The following TRAPPC8 variants were observed in gnomAD, a reference collection of about 807,000 sequenced individuals.
TRAPPC8 encodes the protein trafficking protein particle complex subunit 8.
In TRAPPC8, 54 loss-of-function variants were observed where a neutral mutation model predicts 174.3. That is an observed-to-expected ratio of 0.31 (90% CI 0.25 to 0.39). TRAPPC8 has a LOEUF of 0.39. Among genes scored for constraint, TRAPPC8 ranks in the 10% least tolerant of loss-of-function variants. TRAPPC8 has a pLI of 1.00. For synonymous variants in TRAPPC8, 630 were observed against 579.9 expected, an observed-to-expected ratio of 1.09 and a Z score of -1.24; for missense variants, 1,531 against 1,699.1, an observed-to-expected ratio of 0.90 and a Z score of 1.74.
intron 12 of TRAPPC8, among the ~76,000 whole-genome samples, chr18:31,874,964 G>C (rs2035071576): frequency 6.6e-6 from 1 of 152,280 alleles, no homozygotes; most frequent in South Asian, 2.1e-4. Flanking sequence ...AGGGAGGCCA[G>C]ACTGCTTTGA....
chr18:31,838,254 C>CT (rs1030506003), intron 27 of TRAPPC8, among the ~76,000 whole-genome samples: 1 of 152,206 alleles, frequency 6.6e-6, no homozygotes, highest in South Asian at 2.1e-4. Flanking sequence ...TAAAATTTCA[C>CT]TTTTTTCAAA....
intron 12 of TRAPPC8, among the ~76,000 whole-genome samples, chr18:31,883,021 G>A (rs867585823): frequency 2.8e-5 from 4 of 145,008 alleles, no homozygotes; most frequent in African/African-American, 5.0e-5. Flanking sequence ...TCAGGAGTTC[G>A]AGACCAGCCT....
At chr18:31,872,536 C>T (rs1164985948) in intron 14 of TRAPPC8, among the ~76,000 whole-genome samples, 1 of 152,050 alleles carries the variant, frequency 6.6e-6, no homozygotes, top group Non-Finnish European at 1.5e-5. Flanking sequence ...TCTCCTGATT[C>T]AGCCTCCCGA....
chr18:31,882,477 G>T (rs1180561574), intron 12 of TRAPPC8, among the ~76,000 whole-genome samples: 1 of 151,668 alleles, frequency 6.6e-6, no homozygotes, highest in African/African-American at 2.4e-5. Context: ...AGGGAAGGAA[G>T]TGAGGGTTGA....
At chr18:31,862,008 A>G (rs920205470) in intron 19 of TRAPPC8, among the ~76,000 whole-genome samples, 21 of 151,624 alleles carry the variant, frequency 1.4e-4, no homozygotes, top group Admixed American at 1.2e-3. Context: ...TAAAAACAGT[A>G]TATTTTGGTG....
At chr18:31,905,298 T>C (rs1013735243) in intron 9 of TRAPPC8, among the ~76,000 whole-genome samples, 8 of 152,202 alleles carry the variant, frequency 5.3e-5, no homozygotes, top group Non-Finnish European at 7.3e-5. Flanking sequence ...TATAAACTTA[T>C]ATCCTTCAGT....
intron 19 of TRAPPC8, among the ~76,000 whole-genome samples, chr18:31,863,128 A>G (rs2034418224): frequency 6.6e-6 from 1 of 152,054 alleles, no homozygotes; most frequent in Non-Finnish European, 1.5e-5. Flanking sequence ...ACAAACAAAA[A>G]ACACTGATCA....
chr18:31,849,656 A>G lies in TRAPPC8; in HGVS notation c.3645T>C (p.Pro1215=), dbSNP rs777223994. The part of the protein sequence containing the change: ...SELKKPQAHL[P]VHTEKQSTED... ...CTGTTGACTGTTTTTCTGTATGCAC[A>G]GGCAAGTGAGCTTGTGGTTTTTTCA... Residue 1215 remains proline (P), a synonymous_variant, in exon 25 of 29, where the codon CCT becomes CCC. Transcript: ENST00000283351. 3 of 1,613,220 alleles carry G rather than the reference A, an allele frequency of 1.9e-6. No individual in the cohort carries two copies. The highest frequency in any genetic ancestry group is 1.7e-6 in the Non-Finnish European group (2 of 1,179,598).
At chr18:31,834,968 T>C (rs982862666) in intron 27 of TRAPPC8, among the ~76,000 whole-genome samples, 1 of 152,194 alleles carries the variant, frequency 6.6e-6, no homozygotes. Context: ...CAACAATAGA[T>C]GCTGTATTTC....
chr18:31,919,589 TA>T (rs1314380010), intron 2 of TRAPPC8, among the ~76,000 whole-genome samples: 13 of 52,920 alleles, frequency 2.5e-4, no homozygotes, highest in Admixed American at 6.1e-4. Context: ...AATAAATAAA[TA>T]AAATAATAAT....
chr18:31,935,799 G>C (rs1244583153), intron 1 of TRAPPC8, among the ~76,000 whole-genome samples: 1 of 150,872 alleles, frequency 6.6e-6, no homozygotes, highest in Non-Finnish European at 1.5e-5. Flanking sequence ...GCAATTGCAT[G>C]ATTTCAACTC....
At chr18:31,897,735 A>T (rs537441528) in intron 11 of TRAPPC8, 51 bp downstream of exon 11, 9,753 of 502,594 alleles carry the variant, frequency 0.019, 414 homozygotes, top group African/African-American at 0.18. Flanking sequence ...ACATCTTTTT[A>T]AAAAAAAAAG....
intron 9 of TRAPPC8, among the ~76,000 whole-genome samples, chr18:31,906,506 A>G (rs1568120186): frequency 6.6e-6 from 1 of 152,204 alleles, no homozygotes; most frequent in Non-Finnish European, 1.5e-5. Flanking sequence ...CTAGCTAAAA[A>G]AAAGTATCTA....
rs35234467 is a variant in TRAPPC8, at chr18:31,932,997, C to CAAAAA, written c.158-1479_158-1475dup. Among the ~76,000 whole-genome samples, 173 of 42,664 alleles carry CAAAAA rather than the reference C, an allele frequency of 4.1e-3. 10 individuals are homozygous for CAAAAA. The highest frequency in any genetic ancestry group is 0.023 in the African/African-American group (157 of 6,706). 28.0% of individuals were successfully genotyped at this position (42,664 alleles called of 152,430 possible). A position where few individuals can be genotyped will look rare whatever the true frequency, so the allele number is the denominator to read the frequency against. ...TGGGCGACAGAGTGAGACTCCGTCT[C>CAAAAA]AAAAAAAAAAAAAAAAAAAAAAAGC... On this transcript the variant is annotated intron_variant, in intron 1 of 28. Coordinates refer to ENST00000283351, the MANE Select transcript of TRAPPC8 (RefSeq NM_014939.5).
intron 12 of TRAPPC8, among the ~76,000 whole-genome samples, chr18:31,876,507 A>AAAAAAAAAAAAAAAAAAAAAAAAAC: frequency 1.4e-5 from 2 of 147,556 alleles, no homozygotes; most frequent in South Asian, 2.1e-4. Flanking sequence ...AAAAAAAAAA[A>AAAAAAAAAAAAAAAAAAAAAAAAAC]AAAAAGATCA....
intron 13 of TRAPPC8, 159 bp downstream of exon 13, chr18:31,874,321 C>A: frequency 1.5e-6 from 1 of 680,634 alleles, no homozygotes; most frequent in Non-Finnish European, 2.4e-6. Flanking sequence ...GGCAATGTAA[C>A]CAAGATCTAT....
intron 9 of TRAPPC8, among the ~76,000 whole-genome samples, chr18:31,905,199 G>T (rs933398376): frequency 6.6e-6 from 1 of 152,104 alleles, no homozygotes. Flanking sequence ...TAGTTAACAT[G>T]TGAATGGTAA....
In TRAPPC8 at chr18:31,855,715, T is replaced by C; in HGVS notation, c.3281A>G (p.Glu1094Gly). The change falls in exon 21 of 29, where the codon GAA becomes GGA. Residue 1094 changes from glutamate (E) to glycine (G), a missense_variant. Glu to Gly is a moderately conservative substitution (Grantham distance 98, BLOSUM62 -2). Coordinates refer to ENST00000283351, the MANE Select transcript of TRAPPC8 (RefSeq NM_014939.5). ...TVCRSNSLENEEGRGGNMLVF... is the reference protein window; with the variant it reads ...TVCRSNSLENGEGRGGNMLVF... ...TAGCATATTGCCTCCTCTGCCTTCT[T>C]CATTTTCAAGAGAATTACTTCTGCA... 6.2e-7 allele frequency: 1 copy of C among 1,611,756 alleles called. No homozygotes were observed. The highest frequency in any genetic ancestry group is 8.5e-7 in the Non-Finnish European group (1 of 1,179,500).
intron 1 of TRAPPC8, among the ~76,000 whole-genome samples, chr18:31,940,487 A>C (rs1032325001): frequency 6.6e-6 from 1 of 152,070 alleles, no homozygotes; most frequent in African/African-American, 2.4e-5. Flanking sequence ...AAACAAAAAA[A>C]CTAATTTCAC....
Sources: gnomAD v4.1 joint callset for allele counts (sites outside exome capture counted in the v4.1 genomes callset) on GRCh38, gnomAD v4.1.1 for gene constraint, MANE v1.5 for transcripts, NCBI Gene and HGNC (gene_info 2026-07-23, HGNC 2026-07-21) for gene names.